ISY1: variants seen among roughly 807,000 people sequenced by gnomAD.
ISY1 encodes pre-mRNA-splicing factor ISY1 homolog.
Under a neutral mutation model 54.4 loss-of-function variants are expected in ISY1, and 12 were observed. That is an observed-to-expected ratio of 0.22 (90% confidence interval 0.14 to 0.36). The LOEUF (loss-of-function observed/expected upper bound fraction) is 0.36. Ranked by LOEUF, ISY1 falls within the 10% of genes least tolerant of loss-of-function variation. The pLI is 1.00. For missense variants in ISY1, 282 were observed against 342.2 expected, an observed-to-expected ratio of 0.82 and a Z score of 1.39; for synonymous variants, 96 against 117.9, an observed-to-expected ratio of 0.81 and a Z score of 1.20.
chr3:129,147,212 A>G (rs539140748), intron 5 of ISY1, among the ~76,000 whole-genome samples: 3 of 152,016 alleles, frequency 2.0e-5, no homozygotes, highest in African/African-American at 7.2e-5. Flanking sequence ...CCTTGTCTCT[A>G]CTAAAAATAC....
intron 3 of ISY1, 127 bp from the exon 4 acceptor site, chr3:129,157,047 A>T (rs986047007): frequency 1.0e-6 from 1 of 1,003,616 alleles, no homozygotes; most frequent in African/African-American, 1.6e-5. Context: ...TTCATTCCAG[A>T]TGATCCTCAT....
rs773868878 is a variant in ISY1, at chr3:129,130,189, CTG to C, written c.751-3_751-2del. 3.7e-6 allele frequency: 6 copies of C among 1,603,650 alleles called. No individual in the cohort carries two copies. The highest frequency in any genetic ancestry group is 5.1e-6 in the Non-Finnish European group (6 of 1,175,930). The stretch of plus-strand genomic sequence containing the variant: ...TCCTTCGCACCAGTGCCTCCTCAAT[CTG>C]TGGAAATTAAGAGTGCAGGGCTCAC... On this transcript the variant is annotated splice_acceptor_variant and splice_polypyrimidine_tract_variant and intron_variant, in intron 10 of 10. Coordinates refer to ENST00000393295, the MANE Select transcript of ISY1 (RefSeq NM_020701.4). LOFTEE classifies it high-confidence loss of function.
intron 6 of ISY1, chr3:129,144,333 G>A (rs1210941792): frequency 1.0e-5 from 2 of 199,686 alleles, no homozygotes; most frequent in Non-Finnish European, 2.1e-5. Context: ...AGGTGCTTCA[G>A]AAATGGGAGT....
At chr3:129,131,414 C>T (rs148316791) in intron 9 of ISY1, among the ~76,000 whole-genome samples, 17 of 152,298 alleles carry the variant, frequency 1.1e-4, no homozygotes, top group East Asian at 1.9e-4. Flanking sequence ...AGAGTACACA[C>T]GACTCACATA....
chr3:129,158,691 T>C, intron 2 of ISY1, 132 bp from the exon 3 acceptor site: 1 of 1,256,308 alleles, frequency 8.0e-7, no homozygotes, highest in Non-Finnish European at 1.1e-6. Flanking sequence ...ATATTGTAAT[T>C]AAGAAACCAC....
intron 5 of ISY1, among the ~76,000 whole-genome samples, chr3:129,154,017 C>T (rs1319310799): frequency 1.3e-5 from 2 of 151,554 alleles, no homozygotes; most frequent in African/African-American, 4.8e-5. Context: ...CCGAGGCGGG[C>T]GGATCACGAG....
chr3:129,156,398 CAAAA>C (rs11437245), intron 5 of ISY1, among the ~76,000 whole-genome samples: 1 of 115,312 alleles, frequency 8.7e-6, no homozygotes, highest in Non-Finnish European at 1.7e-5. Context: ...GACTCTGTCT[CAAAA>C]AAAAAAAAAA....
At chr3:129,160,907 G>A in intron 1 of ISY1, 66 bp downstream of exon 1, 1 of 1,104,568 alleles carries the variant, frequency 9.1e-7, no homozygotes, top group Non-Finnish European at 1.3e-6. Flanking sequence ...AGCGCCCCAG[G>A]TGGACTGGGC....
intron 9 of ISY1, among the ~76,000 whole-genome samples, chr3:129,133,616 C>A (rs566998979): frequency 2.1e-3 from 320 of 152,324 alleles, no homozygotes; most frequent in African/African-American, 7.2e-3. Context: ...ATTGCTTGAA[C>A]CCGGAAGGCA....
intron 1 of ISY1, among the ~76,000 whole-genome samples, chr3:129,159,874 A>C (rs1394043709): frequency 1.3e-5 from 2 of 152,186 alleles, no homozygotes; most frequent in African/African-American, 4.8e-5. Context: ...CCAGGCATGC[A>C]ATTTATAGAC....
intron 5 of ISY1, among the ~76,000 whole-genome samples, chr3:129,151,699 T>G (rs1936975897): frequency 6.6e-6 from 1 of 152,228 alleles, no homozygotes; most frequent in Non-Finnish European, 1.5e-5. Flanking sequence ...TTTCTAATCT[T>G]TATGCCTTTT....
At chr3:129,159,935 A>C (rs940917374) in intron 1 of ISY1, among the ~76,000 whole-genome samples, 1 of 152,180 alleles carries the variant, frequency 6.6e-6, no homozygotes, top group Non-Finnish European at 1.5e-5. Context: ...TCTCCCCTTC[A>C]ACTGACACAG....
intron 9 of ISY1, among the ~76,000 whole-genome samples, chr3:129,132,036 G>T (rs544510448): frequency 2.6e-5 from 4 of 152,130 alleles, no homozygotes; most frequent in Middle Eastern, 3.4e-3. Flanking sequence ...TCATTGTGTT[G>T]CCAGACTGGT....
intron 9 of ISY1, among the ~76,000 whole-genome samples, chr3:129,133,294 C>A (rs1936286704): frequency 6.6e-6 from 1 of 152,102 alleles, no homozygotes; most frequent in Admixed American, 6.5e-5. Flanking sequence ...AGAAAATATG[C>A]AAAAGATCAG....
At chr3:129,153,009 C>CTTTT (rs61374406) in intron 5 of ISY1, among the ~76,000 whole-genome samples, 1 of 111,744 alleles carries the variant, frequency 8.9e-6, no homozygotes, top group African/African-American at 3.1e-5. Flanking sequence ...TTCTTTCCAT[C>CTTTT]TTTTTTTTTT....
chr3:129,144,552 TA>T (rs753234904), intron 6 of ISY1, among the ~76,000 whole-genome samples: 41 of 152,226 alleles, frequency 2.7e-4, no homozygotes, highest in Non-Finnish European at 5.0e-4. Flanking sequence ...GTGAACGAAT[TA>T]GGCTCTGGGG....
intron 5 of ISY1, among the ~76,000 whole-genome samples, chr3:129,146,761 T>C (rs28373242): frequency 6.6e-6 from 1 of 152,148 alleles, no homozygotes; most frequent in Non-Finnish European, 1.5e-5. Context: ...TCTATTTTTT[T>C]AAAAAAGTCA....
At chr3:129,137,131 C>G (rs1343065755) in intron 7 of ISY1, 1 of 244,538 alleles carries the variant, frequency 4.1e-6, no homozygotes, top group South Asian at 1.5e-4. Context: ...ATCTCCTGAC[C>G]TTGTGATCCG....
Position 129,128,691 on chromosome 3 carries a change from TG to T in ISY1, c.*1389del, listed in dbSNP as rs1255386895. ...AGACCAACCATCCCAGGCCTCCCGC[TG>T]TGTGATGGGCTTCTCCAAGCCAAGA... is the stretch of plus-strand genomic sequence containing the variant. On this transcript the variant is annotated 3_prime_UTR_variant, in exon 11 of 11. Transcript: ENST00000393295. 6.5e-6 allele frequency: 1 copy of T among 152,740 alleles called. No individual in the cohort carries two copies. Among genetic ancestry groups the T allele is most frequent in the Admixed American group, 6.5e-5 (1 of 15,272 alleles). The allele number at this position is 152,740 out of a possible 1,614,324, so 9.5% of individuals were successfully genotyped here. A position where few individuals can be genotyped will look rare whatever the true frequency, so the allele number is the denominator to read the frequency against.
Sources: gnomAD v4.1 joint callset for allele counts (sites outside exome capture counted in the v4.1 genomes callset) on GRCh38, gnomAD v4.1.1 for gene constraint, MANE v1.5 for transcripts, NCBI Gene and HGNC (gene_info 2026-07-23, HGNC 2026-07-21) for gene names.